The following SYTL2 variants were observed in gnomAD, a reference collection of about 807,000 sequenced individuals.
SYTL2 encodes the protein synaptotagmin like 2, also known as synaptotagmin-like protein 2.
Under a neutral mutation model 198.7 loss-of-function variants are expected in SYTL2, and 165 were observed. That is an observed-to-expected ratio of 0.83 (90% CI 0.73 to 0.94). The LOEUF (loss-of-function observed/expected upper bound fraction) is 0.94, where lower values mean the gene tolerates loss of function less well. SYTL2 is among the 40% of genes least tolerant of loss of function. SYTL2 has a pLI of 0.00. For synonymous variants in SYTL2, 966 were observed against 917.7 expected (o/e 1.05, Z -0.95); for missense variants, 2,835 against 2,582.8 (o/e 1.10, Z -2.12).
upstream of SYTL2, among the ~76,000 whole-genome samples, chr11:85,814,069 G>A (rs1346289628): frequency 3.3e-5 from 5 of 152,134 alleles, no homozygotes; most frequent in Admixed American, 6.5e-5. Flanking sequence ...CATATTACCT[G>A]CCCCATGCCA....
intron 6 of SYTL2, among the ~76,000 whole-genome samples, chr11:85,736,050 C>A (rs2090314702): frequency 6.6e-6 from 1 of 152,184 alleles, no homozygotes. Flanking sequence ...ATCAATTGAG[C>A]CACAAACCTG....
intron 1 of SYTL2, among the ~76,000 whole-genome samples, chr11:85,781,159 G>A (rs558193106): frequency 6.6e-6 from 1 of 152,148 alleles, no homozygotes; most frequent in African/African-American, 2.4e-5. Flanking sequence ...AGCATGGCTG[G>A]GGAGGCCTCA....
intron 4 of SYTL2, among the ~76,000 whole-genome samples, chr11:85,739,628 A>C (rs1262048615): frequency 6.6e-6 from 1 of 152,192 alleles, no homozygotes; most frequent in African/African-American, 2.4e-5. Context: ...TTTATTGGGC[A>C]ATCAGTACTG....
At chr11:85,719,710 C>G (rs1045093610) in intron 9 of SYTL2, among the ~76,000 whole-genome samples, 4 of 152,016 alleles carry the variant, frequency 2.6e-5, no homozygotes, top group Non-Finnish European at 5.9e-5. Flanking sequence ...CCCTTCTAAC[C>G]CTGAGATTCC....
the SYTL2 span, among the ~76,000 whole-genome samples, chr11:85,819,320 C>T: frequency 1.3e-5 from 2 of 152,198 alleles, no homozygotes; most frequent in East Asian, 3.8e-4. Context: ...GGTATGCTTG[C>T]TGCAAACCAC....
At chr11:85,742,823 C>T (rs2090900522) in intron 4 of SYTL2, among the ~76,000 whole-genome samples, 3 of 152,150 alleles carry the variant, frequency 2.0e-5, no homozygotes, top group African/African-American at 7.2e-5. Flanking sequence ...AAGTCTGTAA[C>T]CAGAACTAGA....
chr11:85,698,018 G>A lies in SYTL2; in HGVS notation c.6329C>T (p.Pro2110Leu), dbSNP rs267603224. 6.2e-7 allele frequency: 1 copy of A among 1,613,606 alleles called. No individual in the cohort carries two copies. Among genetic ancestry groups the A allele is most frequent in the Non-Finnish European group, 8.5e-7 (1 of 1,179,632 alleles). The change falls in exon 18 of 20, where the codon CCA (proline) becomes CTA (leucine). Residue 2110 changes from proline to leucine, a missense_variant. By Grantham distance (98) the Pro-to-Leu change is moderately conservative. Transcript: ENST00000359152. ...HIWVKECLDL[P>L]LLRGSHLNSF... is the part of the protein sequence containing the mutation. ...ATTTAGATGACTTCCCCTTAGCAGT[G>A]GTAGATCAAGGCATTCCTTCACCCA...
chr11:85,725,500 A>T lies in SYTL2; in HGVS notation c.3858T>A (p.Ala1286=). The T allele has an allele frequency of 6.2e-7, 1 of 1,614,056 alleles. No individual in the cohort carries two copies. The highest frequency in any genetic ancestry group is 1.3e-5 in the African/African-American group (1 of 75,064). The change falls in exon 8 of 20, where the codon GCT becomes GCA. Residue 1286 remains alanine (A), a synonymous_variant. Transcript: ENST00000359152. ...TGCTTAGCTGGCACTCACCACTTTCAGCTTTCTTGAGGAGAGCTGTATTTC... is the reference window on the plus strand; with the variant it reads ...TGCTTAGCTGGCACTCACCACTTTCTGCTTTCTTGAGGAGAGCTGTATTTC... ...TFGNTALLKK[A]ESGECQLSTQ...
chr11:85,715,333 T>A (rs1269981361), intron 11 of SYTL2, among the ~76,000 whole-genome samples: 1 of 152,140 alleles, frequency 6.6e-6, no homozygotes, highest in African/African-American at 2.4e-5. Context: ...ACAGCTCTTA[T>A]AATGAATAAG....
intron 7 of SYTL2, among the ~76,000 whole-genome samples, chr11:85,731,246 G>A (rs2089790972): frequency 6.6e-6 from 1 of 152,024 alleles, no homozygotes; most frequent in African/African-American, 2.4e-5. Flanking sequence ...TAAATTTCAT[G>A]TGGAACCAAA....
chr11:85,696,678 T>C (rs2153352170), intron 18 of SYTL2, among the ~76,000 whole-genome samples: 1 of 152,302 alleles, frequency 6.6e-6, no homozygotes, highest in South Asian at 2.1e-4. Flanking sequence ...TCTTCATCTA[T>C]AAAATGGGAA....
chr11:85,801,976 G>A (rs934685977), intron 1 of SYTL2, among the ~76,000 whole-genome samples: 3 of 150,458 alleles, frequency 2.0e-5, no homozygotes, highest in African/African-American at 4.9e-5. Flanking sequence ...CACCATGCCC[G>A]GCTAAGTTTT....
At chr11:85,758,927 C>T (rs2091998782) in intron 1 of SYTL2, among the ~76,000 whole-genome samples, 1 of 152,180 alleles carries the variant, frequency 6.6e-6, no homozygotes, top group Admixed American at 6.5e-5. Context: ...CAGTGCTGAA[C>T]ATACACACTA....
At position 85,709,463 on chromosome 11, in the gene SYTL2, A is replaced by G. The variant is rs1009704644; in HGVS notation, c.5783T>C (p.Phe1928Ser). 2 of 1,613,892 alleles carry G rather than the reference A, an allele frequency of 1.2e-6. No individual in the cohort carries two copies. The highest frequency in any genetic ancestry group is 1.7e-6 in the Non-Finnish European group (2 of 1,180,012). ...ATTTCCTTTAACTTCCAGATTGCCAAAGTCTCCACTATAAACACTCATCAC... is the reference window on the plus strand; with the variant it reads ...ATTTCCTTTAACTTCCAGATTGCCAGAGTCTCCACTATAAACACTCATCAC... ...GSVMSVYSGD[F>S]GNLEVKGNIQ... Residue 1928 changes from phenylalanine (F) to serine (S), a missense_variant, in exon 14 of 20, where the codon TTT becomes TCT. Physicochemically the swap from Phe to Ser is radical, Grantham distance 155 (BLOSUM62 -2). Transcript: ENST00000359152.
chr11:85,818,662 TATC>T, the SYTL2 span, among the ~76,000 whole-genome samples: 1,434 of 149,608 alleles, frequency 9.6e-3, 28 homozygotes, highest in African/African-American at 0.035. Context: ...AATTACTATC[TATC>T]TATCTATCTA....
At chr11:85,745,600 C>T (rs2091095925) in intron 4 of SYTL2, 37 bp downstream of exon 4, 1 of 1,593,588 alleles carries the variant, frequency 6.3e-7, no homozygotes, top group Non-Finnish European at 8.6e-7. Flanking sequence ...GCCATGAAAG[C>T]CACATGCAGC....
chr11:85,829,024 G>C, the SYTL2 span, among the ~76,000 whole-genome samples: 7 of 150,668 alleles, frequency 4.6e-5, no homozygotes, highest in African/African-American at 1.7e-4. Flanking sequence ...AGGATACTGG[G>C]CCACCATACC....
chr11:85,767,039 A>G (rs1774727220), intron 1 of SYTL2, among the ~76,000 whole-genome samples: 2 of 151,938 alleles, frequency 1.3e-5, no homozygotes, highest in African/African-American at 2.4e-5. Flanking sequence ...AGCAATCTGC[A>G]TTTTCTAAAA....
At position 85,758,083 on chromosome 11, in the gene SYTL2, A is replaced by G. The variant is rs1236884992; in HGVS notation, c.-358T>C. ...CTCTCTCTGCACCTGTCGTCAATTC[A>G]TAAGAGGCAGCAGCATCAGAGCATC... On this transcript the variant is annotated 5_prime_UTR_variant, in exon 2 of 20. An upstream start codon of the reference 5' UTR is lost. Coordinates refer to ENST00000359152, the MANE Select transcript of SYTL2 (RefSeq NM_206927.4). 1 of 191,014 alleles carries G rather than the reference A, an allele frequency of 5.2e-6. No homozygotes were observed. Among genetic ancestry groups the G allele is most frequent in the African/African-American group, 2.3e-5 (1 of 43,510 alleles). 11.8% of individuals were successfully genotyped at this position (191,014 alleles called of 1,614,324 possible). A position where few individuals can be genotyped will look rare whatever the true frequency, so the allele number is the denominator to read the frequency against.
Sources: gnomAD v4.1 joint callset for allele counts (sites outside exome capture counted in the v4.1 genomes callset) on GRCh38, gnomAD v4.1.1 for gene constraint, MANE v1.5 for transcripts, NCBI Gene and HGNC (gene_info 2026-07-23, HGNC 2026-07-21) for gene names.